KALRN: variants seen among roughly 807,000 people sequenced by gnomAD.
The protein encoded by KALRN is kalirin.
KALRN carries 70 observed loss-of-function variants against 353.7 expected under a neutral mutation model. The ratio of observed to expected loss-of-function variants is 0.20; its 90% CI spans 0.16 to 0.24. KALRN has a LOEUF of 0.24. Among genes scored for constraint, KALRN ranks in the 10% least tolerant of loss-of-function variants. The probability of loss-of-function intolerance (pLI) is 1.00; values close to 1 mark genes in which losing one functional copy is unlikely to be tolerated. For synonymous variants in KALRN, 1,391 were observed against 1,434.8 expected (o/e 0.97, Z 0.69); for missense variants, 2,791 against 3,756.7 (o/e 0.74, Z 6.72).
chr3:124,345,772 C>T (rs542549340), intron 9 of KALRN, among the ~76,000 whole-genome samples: 2 of 152,136 alleles, frequency 1.3e-5, no homozygotes, highest in African/African-American at 2.4e-5. Context: ...AGCACAATCA[C>T]GATGTGGGCT....
chr3:124,342,456 C>T (rs1056480732), intron 9 of KALRN, among the ~76,000 whole-genome samples: 1 of 152,176 alleles, frequency 6.6e-6, no homozygotes, highest in African/African-American at 2.4e-5. Context: ...TCATGGCCTC[C>T]AGTTCCATCC....
At chr3:124,436,934 C>A (rs956770847) in intron 17 of KALRN, among the ~76,000 whole-genome samples, 4 of 145,284 alleles carry the variant, frequency 2.8e-5, no homozygotes, top group Non-Finnish European at 6.1e-5. Flanking sequence ...AGTTTGGTGA[C>A]AGATCTTCTC....
At chr3:124,634,117 C>A (rs2081093929) in intron 36 of KALRN, among the ~76,000 whole-genome samples, 164 bp downstream of exon 36, 1 of 152,100 alleles carries the variant, frequency 6.6e-6, no homozygotes, top group Non-Finnish European at 1.5e-5. Context: ...TGTCCCTTCC[C>A]CAACCCTGGA....
chr3:124,360,414 G>C (rs1305075566), intron 10 of KALRN, among the ~76,000 whole-genome samples: 1 of 152,152 alleles, frequency 6.6e-6, no homozygotes, highest in East Asian at 1.9e-4. Flanking sequence ...GAAGTAGAGA[G>C]ACACTATGAG....
At chr3:124,646,687 G>T (rs1347753068) in intron 37 of KALRN, among the ~76,000 whole-genome samples, 1 of 125,100 alleles carries the variant, frequency 8.0e-6, no homozygotes. Context: ...CACTGCGCCC[G>T]GCCTCTTTTC....
chr3:124,668,476 C>A (rs966691030), intron 47 of KALRN, among the ~76,000 whole-genome samples: 1 of 152,222 alleles, frequency 6.6e-6, no homozygotes, highest in Non-Finnish European at 1.5e-5. Flanking sequence ...GGACACCTGG[C>A]ATCCTCCCTA....
intron 12 of KALRN, 31 bp from the exon 13 acceptor site, chr3:124,398,666 C>T (rs543315920): frequency 1.9e-6 from 3 of 1,612,738 alleles, no homozygotes; most frequent in East Asian, 2.2e-5. Context: ...AAAGGCCTCT[C>T]CCTCCCTTTT....
At chr3:124,151,660 C>A (rs2068121318) in intron 1 of KALRN, among the ~76,000 whole-genome samples, 1 of 137,876 alleles carries the variant, frequency 7.3e-6, no homozygotes, top group Admixed American at 7.5e-5. Context: ...TCTTTACACT[C>A]CTTATGATGC....
At chr3:124,324,143 C>G (rs62262826) in intron 6 of KALRN, among the ~76,000 whole-genome samples, 14 of 152,278 alleles carry the variant, frequency 9.2e-5, no homozygotes, top group Admixed American at 2.6e-4. Flanking sequence ...ACCCCAGTTG[C>G]TCATAGAACT....
chr3:124,316,034 C>T (rs748277315), intron 6 of KALRN, among the ~76,000 whole-genome samples: 1 of 152,080 alleles, frequency 6.6e-6, no homozygotes, highest in East Asian at 1.9e-4. Context: ...GAGGTCAGGA[C>T]GAGACGGGCG....
chr3:124,082,449 G>C, intron 1 of KALRN: 1 of 365,380 alleles, frequency 2.7e-6, no homozygotes, highest in Non-Finnish European at 5.5e-6. Flanking sequence ...CTTTATTTGG[G>C]GGGTGAGGTG....
At chr3:124,214,904 C>T (rs2077186369) in intron 1 of KALRN, among the ~76,000 whole-genome samples, 1 of 152,230 alleles carries the variant, frequency 6.6e-6, no homozygotes, top group Non-Finnish European at 1.5e-5. Context: ...CTCCACAGGG[C>T]TCTGAAGGCT....
intron 5 of KALRN, among the ~76,000 whole-genome samples, chr3:124,295,117 C>T (rs566387177): frequency 1.3e-5 from 2 of 152,224 alleles, no homozygotes; most frequent in African/African-American, 4.8e-5. Context: ...AGACAGCCAG[C>T]CTTGCAGGGG....
At chr3:124,714,803 G>A (rs1337225379) in intron 58 of KALRN, among the ~76,000 whole-genome samples, 1 of 152,162 alleles carries the variant, frequency 6.6e-6, no homozygotes, top group Admixed American at 6.5e-5. Flanking sequence ...ATCACTTGAG[G>A]TCAGGAGTTC....
intron 15 of KALRN, among the ~76,000 whole-genome samples, chr3:124,424,275 C>A (rs1261462208): frequency 6.6e-6 from 1 of 151,998 alleles, no homozygotes; most frequent in Non-Finnish European, 1.5e-5. Context: ...TTTTTCTTGT[C>A]TATAGCAGCT....
intron 37 of KALRN, among the ~76,000 whole-genome samples, chr3:124,643,264 T>G (rs1165960036): frequency 6.6e-6 from 1 of 152,118 alleles, no homozygotes; most frequent in African/African-American, 2.4e-5. Flanking sequence ...TCTCCTGCAA[T>G]GGCCTCCCAA....
intron 29 of KALRN, among the ~76,000 whole-genome samples, chr3:124,489,085 T>A (rs2062858264): frequency 6.6e-6 from 1 of 152,160 alleles, no homozygotes; most frequent in African/African-American, 2.4e-5. Flanking sequence ...GGTGGGTGGA[T>A]CACCTGAGGT....
rs570696936 is a variant in KALRN at position 124,518,585 on chromosome 3, C to T, written c.4935+22172C>T. On this transcript the variant is annotated intron_variant, in intron 33 of 59. Coordinates refer to ENST00000682506, the MANE Select transcript of KALRN (RefSeq NM_001388419.1). The stretch of plus-strand genomic sequence containing the variant: ...TCTCTGGCAGGGCTGGTGTGGGGTG[C>T]AGCCTTTGCTCAGAGGGCAACATGT... 7 of 1,592,630 alleles carry T rather than the reference C, an allele frequency of 4.4e-6. No individual in the cohort carries two copies. The South Asian group carries it at 7.9e-5, about 18-fold the overall frequency.
intron 34 of KALRN, among the ~76,000 whole-genome samples, chr3:124,582,084 G>C (rs191338488): frequency 6.7e-6 from 1 of 149,808 alleles, no homozygotes; most frequent in Admixed American, 6.7e-5. Flanking sequence ...GCAATGGTGC[G>C]ATCTCCGCTC....
Sources: gnomAD v4.1 joint callset for allele counts (sites outside exome capture counted in the v4.1 genomes callset) on GRCh38, gnomAD v4.1.1 for gene constraint, MANE v1.5 for transcripts, NCBI Gene and HGNC (gene_info 2026-07-23, HGNC 2026-07-21) for gene names.